UBC: variants seen among roughly 807,000 people sequenced by gnomAD.
UBC encodes the protein polyubiquitin-C.
UBC carries 8 observed loss-of-function variants against 34.7 expected under a neutral mutation model. That is an observed-to-expected ratio of 0.23 (90% CI 0.14 to 0.42). UBC has a LOEUF of 0.42. Ranked by LOEUF, UBC falls within the 10% of genes least tolerant of loss-of-function variation. The pLI is 1.00. For synonymous variants in UBC, 367 were observed against 299.8 expected (o/e 1.22, Z -2.32); for missense variants, 323 against 750.3 (o/e 0.43, Z 6.65).
chr12:124,914,156 G>A lies in UBC; in HGVS notation c.-3-382C>T, dbSNP rs145855358. ...ACGGGTGACGTCACGACACGACGAG[G>A]GCGCGCGCTCCCAAAGGTACGGGTG... On this transcript the variant is annotated intron_variant, in intron 1 of 1. Coordinates refer to ENST00000339647, the MANE Select transcript of UBC (RefSeq NM_021009.7). 2.1e-4 allele frequency: 53 copies of A among 251,252 alleles called. No homozygotes were observed. The Middle Eastern group carries it at 4.7e-3, about 22-fold the overall frequency. 15.6% of individuals were successfully genotyped at this position (251,252 alleles called of 1,614,324 possible).
At position 124,911,659 on chromosome 12, in the gene UBC, A is replaced by C. The variant is rs891276862; in HGVS notation, c.*55T>G. 1 of 1,478,130 alleles carries C rather than the reference A, an allele frequency of 6.8e-7. No homozygotes were observed. The highest frequency in any genetic ancestry group is 1.4e-5 in the African/African-American group (1 of 71,766). The allele number at this position is 1,478,130 out of a possible 1,614,324, so 91.6% of individuals were successfully genotyped here. A position where few individuals can be genotyped will look rare whatever the true frequency, so the allele number is the denominator to read the frequency against. ...AAAAAACACCAATTGGGAATGCAACAACTTTATTGAAAGGAAAGTGCAATG... is the reference window on the plus strand; with the variant it reads ...AAAAAACACCAATTGGGAATGCAACCACTTTATTGAAAGGAAAGTGCAATG... On this transcript the variant is annotated 3_prime_UTR_variant, in exon 2 of 2. Transcript: ENST00000339647.
chr12:124,914,044 A>C, intron 1 of UBC: 1 of 510,900 alleles, frequency 2.0e-6, no homozygotes, highest in South Asian at 2.2e-5. Flanking sequence ...AGCCTACCCT[A>C]GGCCCGAACC....
At position 124,911,687 on chromosome 12, in the gene UBC, A is replaced by G. The variant is rs1268773872; in HGVS notation, c.*27T>C. On this transcript the variant is annotated 3_prime_UTR_variant, in exon 2 of 2. Coordinates refer to ENST00000339647, the MANE Select transcript of UBC (RefSeq NM_021009.7). ...TTTATTGAAAGGAAAGTGCAATGAA[A>G]TTTGTTGAAACCTTAAAAGGGGAAA... 2 of 1,608,102 alleles carry G rather than the reference A, an allele frequency of 1.2e-6. No homozygotes were observed. Among genetic ancestry groups the G allele is most frequent in the East Asian group, 2.2e-5 (1 of 44,804 alleles).
At chr12:124,913,912 C>T (rs1411933607) in intron 1 of UBC, 138 bp from the exon 2 acceptor site, 9 of 1,367,890 alleles carry the variant, frequency 6.6e-6, no homozygotes, top group Non-Finnish European at 8.9e-6. Context: ...CAACCCCGAG[C>T]GCATAGTTCA....
chr12:124,914,021 G>A (rs1953570521), intron 1 of UBC: 2 of 579,616 alleles, frequency 3.5e-6, no homozygotes, highest in South Asian at 4.2e-5. Flanking sequence ...TCCGGCGCCT[G>A]TCGATTCAGG....
At chr12:124,913,812 C>T (rs1330419466) in intron 1 of UBC, 38 bp from the exon 2 acceptor site, 4 of 1,609,428 alleles carry the variant, frequency 2.5e-6, no homozygotes, top group African/African-American at 2.7e-5. Context: ...ATTTAGCGGA[C>T]AATTTACTAG....
At chr12:124,913,993 C>A in intron 1 of UBC, 3 of 683,832 alleles carry the variant, frequency 4.4e-6, no homozygotes, top group Non-Finnish European at 2.4e-6. Context: ...CCTCACTTAT[C>A]CCTCCCCTCA....
chr12:124,913,995 C>A (rs1953570038), intron 1 of UBC: 2 of 672,734 alleles, frequency 3.0e-6, no homozygotes, highest in Non-Finnish European at 4.8e-6. Flanking sequence ...TCACTTATCC[C>A]TCCCCTCACC....
In UBC at chr12:124,913,331, G is replaced by C. The variant is rs782701545; in HGVS notation, c.441C>G (p.Leu147=). The change falls in exon 2 of 2, where the codon CTC becomes CTG. Residue 147 remains leucine (L), a synonymous_variant. Coordinates refer to ENST00000339647, the MANE Select transcript of UBC (RefSeq NM_021009.7). ...AGATCTGCATCCCACCTCTGAGACGGAGCACCAGGTGCAGGGTAGACTCTT... is the reference window on the plus strand; with the variant it reads ...AGATCTGCATCCCACCTCTGAGACGCAGCACCAGGTGCAGGGTAGACTCTT... The part of the protein sequence containing the change: ...IQKESTLHLV[L]RLRGGMQIFV... The C allele has an allele frequency of 6.2e-7, 1 of 1,608,438 alleles. No individual in the cohort carries two copies. The highest frequency in any genetic ancestry group is 8.5e-7 in the Non-Finnish European group (1 of 1,178,400).
chr12:124,914,013 C>G (rs1953570381), intron 1 of UBC: 4 of 607,018 alleles, frequency 6.6e-6, no homozygotes, highest in Non-Finnish European at 1.1e-5. Flanking sequence ...ACCAGAGGTC[C>G]GGCGCCTGTC....
intron 1 of UBC, chr12:124,914,134 G>A (rs1475263583): frequency 7.2e-6 from 2 of 277,354 alleles, no homozygotes; most frequent in Non-Finnish European, 1.4e-5. Context: ...CAACAGAACG[G>A]GTGACGTCAC....
Position 124,913,508 on chromosome 12 carries a change from G to A in UBC, c.264C>T (p.Thr88=), listed in dbSNP as rs1288645842. Residue 88 remains threonine, a synonymous_variant, in exon 2 of 2, where the codon ACC becomes ACT. Coordinates refer to ENST00000339647, the MANE Select transcript of UBC (RefSeq NM_021009.7). The part of the protein sequence containing the change: ...QIFVKTLTGK[T]ITLEVEPSDT... Reference sequence around the variant, plus strand: ...CACTGGGCTCGACCTCAAGGGTGATGGTCTTGCCAGTGAGTGTCTTCACGA... The same window carrying A: ...CACTGGGCTCGACCTCAAGGGTGATAGTCTTGCCAGTGAGTGTCTTCACGA... 8.7e-6 allele frequency: 14 copies of A among 1,610,998 alleles called. 1 individual carries two copies. The South Asian group carries it at 9.9e-5, about 11-fold the overall frequency.
At chr12:124,914,462 A>C (rs1953583851) in intron 1 of UBC, 125 bp downstream of exon 1, 2 of 154,248 alleles carry the variant, frequency 1.3e-5, no homozygotes, top group Non-Finnish European at 2.9e-5. Context: ...CCCAACCCCC[A>C]GTTCAGGGCA....
At position 124,913,788 on chromosome 12, in the gene UBC, C is replaced by CA. The variant is rs1275307584; in HGVS notation, c.-3-15dup. 6.2e-7 allele frequency: 1 copy of CA among 1,605,004 alleles called. No homozygotes were observed. The highest frequency in any genetic ancestry group is 8.5e-7 in the Non-Finnish European group (1 of 1,175,670). ...GATCTGCATTGTCTAACAAAAAAGCCAAAAACGGCCAGAATTTAGCGGACA... is the reference window on the plus strand; with the variant it reads ...GATCTGCATTGTCTAACAAAAAAGCCAAAAAACGGCCAGAATTTAGCGGACA... On this transcript the variant is annotated splice_polypyrimidine_tract_variant and intron_variant, in intron 1 of 1. Coordinates refer to ENST00000339647, the MANE Select transcript of UBC (RefSeq NM_021009.7).
At chr12:124,913,940 A>G in intron 1 of UBC, 166 bp from the exon 2 acceptor site, 1 of 1,068,900 alleles carries the variant, frequency 9.4e-7, no homozygotes, top group Non-Finnish European at 1.3e-6. Context: ...AGCTTCAGCT[A>G]CTTAAGAAGA....
In UBC at chr12:124,911,868, T is replaced by C; in HGVS notation, c.1904A>G (p.Lys635Arg). Residue 635 changes from lysine (K) to arginine (R), a missense_variant, in exon 2 of 2, where the codon AAG becomes AGG. Transcript: ENST00000339647. ...VEPSDTIENVKAKIQDKEGIP... is the reference protein window; with the variant it reads ...VEPSDTIENVRAKIQDKEGIP... ...GCCTTCCTTATCTTGGATCTTTGCCTTGACATTCTCGATGGTGTCACTGGG... is the reference window on the plus strand; with the variant it reads ...GCCTTCCTTATCTTGGATCTTTGCCCTGACATTCTCGATGGTGTCACTGGG... 1 of 1,610,862 alleles carries C rather than the reference T, an allele frequency of 6.2e-7. No individual in the cohort carries two copies. The highest frequency in any genetic ancestry group is 8.5e-7 in the Non-Finnish European group (1 of 1,178,862).
Position 124,913,019 on chromosome 12 carries a change from G to C in UBC, c.753C>G (p.Ile251Met), listed in dbSNP as rs540807529. 3 of 1,610,736 alleles carry C rather than the reference G, an allele frequency of 1.9e-6. No individual in the cohort carries two copies. Among genetic ancestry groups the C allele is most frequent in the Non-Finnish European group, 2.5e-6 (3 of 1,178,896 alleles). ...CTTGGATCTTTGCTTTGACGTTCTCGATAGTGTCACTGGGCTCGACCTCAA... is the reference window on the plus strand; with the variant it reads ...CTTGGATCTTTGCTTTGACGTTCTCCATAGTGTCACTGGGCTCGACCTCAA... Reference protein sequence around the residue: ...ITLEVEPSDTIENVKAKIQDK... With the variant: ...ITLEVEPSDTMENVKAKIQDK... The change falls in exon 2 of 2, where the codon ATC (isoleucine) becomes ATG (methionine). Residue 251 changes from isoleucine (I) to methionine (M), a missense_variant. Physicochemically the swap from Ile to Met is conservative, Grantham distance 10. Transcript: ENST00000339647.
chr12:124,913,052 G>A lies in UBC; in HGVS notation c.720C>T (p.Thr240=), dbSNP rs1471930974. The change falls in exon 2 of 2, where the codon ACC becomes ACT. Residue 240 remains threonine (T), a synonymous_variant. Coordinates refer to ENST00000339647, the MANE Select transcript of UBC (RefSeq NM_021009.7). ...QIFVKTLTGK[T]ITLEVEPSDT... is the part of the protein sequence containing the mutation. ...CACTGGGCTCGACCTCAAGGGTGAT[G>A]GTCTTGCCAGTGAGTGTCTTCACGA... 1.2e-6 allele frequency: 2 copies of A among 1,610,776 alleles called. No individual in the cohort carries two copies. The highest frequency in any genetic ancestry group is 2.2e-5 in the East Asian group (1 of 44,582).
chr12:124,913,046 G>A lies in UBC; in HGVS notation c.726C>T (p.Thr242=), dbSNP rs868076543. The change falls in exon 2 of 2, where the codon ACC becomes ACT. Residue 242 remains threonine, a synonymous_variant. Coordinates refer to ENST00000339647, the MANE Select transcript of UBC (RefSeq NM_021009.7). ...FVKTLTGKTI[T]LEVEPSDTIE... Reference sequence around the variant, plus strand: ...TAGTGTCACTGGGCTCGACCTCAAGGGTGATGGTCTTGCCAGTGAGTGTCT... The same window carrying A: ...TAGTGTCACTGGGCTCGACCTCAAGAGTGATGGTCTTGCCAGTGAGTGTCT... 4.2e-5 allele frequency: 67 copies of A among 1,607,058 alleles called. No homozygotes were observed. Among genetic ancestry groups the A allele is most frequent in the African/African-American group, 5.5e-5 (4 of 72,142 alleles).
Sources: gnomAD v4.1 joint callset for allele counts on GRCh38, gnomAD v4.1.1 for gene constraint, MANE v1.5 for transcripts, NCBI Gene and HGNC (gene_info 2026-07-23, HGNC 2026-07-21) for gene names.